DPP6: variants seen among roughly 807,000 people sequenced by gnomAD.
DPP6 encodes A-type potassium channel modulatory protein DPP6.
A neutral mutation model predicts 122.6 loss-of-function variants in DPP6; 69 were observed. That is an observed-to-expected ratio of 0.56 (90% confidence interval 0.46 to 0.69). The LOEUF (loss-of-function observed/expected upper bound fraction) is 0.69, where lower values mean the gene tolerates loss of function less well. DPP6 is among the 30% of genes least tolerant of loss of function. The pLI is 0.00. For missense variants in DPP6, 928 were observed against 1,116.9 expected (o/e 0.83, Z 2.41); for synonymous variants, 418 against 433.1 (o/e 0.97, Z 0.43).
chr7:154,394,425 A>G (rs1814899082), intron 1 of DPP6, among the ~76,000 whole-genome samples: 8 of 151,862 alleles, frequency 5.3e-5, no homozygotes. Context: ...TCTGCCCATT[A>G]TTGAATTGAG....
chr7:154,015,307 A>G lies in DPP6; in HGVS notation c.51+127573A>G, dbSNP rs376436683. Reference sequence around the variant, plus strand: ...GTTCTGTCTTCCCGCGTGACCTCTCAGCATTGAAGTCTTATCTGCCTGCCC... The same window carrying G: ...GTTCTGTCTTCCCGCGTGACCTCTCGGCATTGAAGTCTTATCTGCCTGCCC... On this transcript the variant is annotated intron_variant, in intron 1 of 25. Transcript: ENST00000404039. Among the ~76,000 whole-genome samples, 6 of 152,074 alleles carry G rather than the reference A, an allele frequency of 3.9e-5. No individual in the cohort carries two copies. The East Asian group carries it at 1.2e-3, about 30-fold the overall frequency.
chr7:154,163,187 G>C (rs568547147), intron 1 of DPP6, among the ~76,000 whole-genome samples: 2 of 152,188 alleles, frequency 1.3e-5, no homozygotes, highest in African/African-American at 4.8e-5. Flanking sequence ...TACACCTGGA[G>C]TCTGACTAGC....
At chr7:154,670,328 A>C (rs559402359) in intron 7 of DPP6, among the ~76,000 whole-genome samples, 4 of 152,254 alleles carry the variant, frequency 2.6e-5, no homozygotes, top group African/African-American at 9.6e-5. Flanking sequence ...TGTGAATGGG[A>C]AGGACAGTGC....
chr7:153,878,469 C>T, the DPP6 span, among the ~76,000 whole-genome samples: 1 of 152,028 alleles, frequency 6.6e-6, no homozygotes, highest in East Asian at 1.9e-4. Flanking sequence ...TGGAAGCTGA[C>T]TACAGCTACA....
At chr7:153,810,782 A>G in the DPP6 span, among the ~76,000 whole-genome samples, 1 of 150,524 alleles carries the variant, frequency 6.6e-6, no homozygotes, top group Non-Finnish European at 1.5e-5. Flanking sequence ...TCAAGTCTTA[A>G]GTCCTAATCA....
At chr7:154,078,010 C>T (rs191914332) in intron 1 of DPP6, among the ~76,000 whole-genome samples, 32 of 152,294 alleles carry the variant, frequency 2.1e-4, no homozygotes, top group African/African-American at 7.5e-4. Flanking sequence ...ATTTCTTTCA[C>T]AAAACCCTGG....
chr7:154,811,188 A>G (rs1799037779), intron 16 of DPP6, among the ~76,000 whole-genome samples: 1 of 152,240 alleles, frequency 6.6e-6, no homozygotes, highest in African/African-American at 2.4e-5. Context: ...GGAGGTAACC[A>G]AAATCCCACT....
chr7:154,060,285 G>C (rs866179292), intron 1 of DPP6, among the ~76,000 whole-genome samples: 1,281 of 33,580 alleles, frequency 0.038, 60 homozygotes, highest in African/African-American at 0.11. Flanking sequence ...GGACTGAGAG[G>C]CAATCCCTCT....
chr7:154,064,549 A>G (rs1409994055), intron 1 of DPP6, among the ~76,000 whole-genome samples: 2 of 152,220 alleles, frequency 1.3e-5, no homozygotes, highest in Non-Finnish European at 2.9e-5. Context: ...ATTGTTCTTT[A>G]GAACTGAAGA....
chr7:153,962,195 TGGAAG>T (rs1795388549), intron 1 of DPP6, among the ~76,000 whole-genome samples: 1 of 152,022 alleles, frequency 6.6e-6, no homozygotes, highest in Non-Finnish European at 1.5e-5. Flanking sequence ...AGTAAAGCAC[TGGAAG>T]GGAAGTGAGG....
chr7:154,126,030 A>G (rs1390238888), intron 1 of DPP6, among the ~76,000 whole-genome samples: 1 of 152,198 alleles, frequency 6.6e-6, no homozygotes, highest in African/African-American at 2.4e-5. Flanking sequence ...GATTCCATTC[A>G]TTACGTGCTC....
intron 7 of DPP6, among the ~76,000 whole-genome samples, chr7:154,727,254 G>A (rs1340670679): frequency 6.6e-6 from 1 of 152,222 alleles, no homozygotes; most frequent in Non-Finnish European, 1.5e-5. Flanking sequence ...CATGGTGGAA[G>A]GTGAAGGGAA....
At chr7:154,370,625 T>C (rs1425914682) in intron 1 of DPP6, among the ~76,000 whole-genome samples, 3 of 152,242 alleles carry the variant, frequency 2.0e-5, no homozygotes, top group African/African-American at 4.8e-5. Context: ...CTGTTTAGTT[T>C]AATTAGCTGA....
chr7:154,434,214 T>A (rs1314177522), intron 1 of DPP6, among the ~76,000 whole-genome samples: 2 of 152,252 alleles, frequency 1.3e-5, no homozygotes, highest in Non-Finnish European at 2.9e-5. Flanking sequence ...CAAGTTTCGC[T>A]ACTTAAAGTG....
At chr7:154,707,557 T>C (rs1994521) in intron 7 of DPP6, among the ~76,000 whole-genome samples, 151,269 of 152,298 alleles carry the variant, frequency 0.99, 75,129 homozygotes, top group East Asian at 1. Flanking sequence ...CCTCGCCAGG[T>C]CCATCGGACA....
intron 3 of DPP6, among the ~76,000 whole-genome samples, chr7:154,493,091 G>T (rs183807196): frequency 1.3e-5 from 2 of 152,262 alleles, no homozygotes; most frequent in African/African-American, 4.8e-5. Flanking sequence ...GGAAATGAGT[G>T]CACAGTTTGA....
intron 1 of DPP6, among the ~76,000 whole-genome samples, chr7:154,040,187 C>T (rs886995347): frequency 1.4e-5 from 2 of 140,444 alleles, no homozygotes; most frequent in African/African-American, 3.1e-5. Context: ...GAGGATCTAC[C>T]AGTTGTTTTG....
At chr7:154,438,212 A>G (rs1472272072) in intron 1 of DPP6, among the ~76,000 whole-genome samples, 1 of 152,146 alleles carries the variant, frequency 6.6e-6, no homozygotes, top group Non-Finnish European at 1.5e-5. Flanking sequence ...AAATGCCTGT[A>G]ATCCCAGAAC....
At chr7:153,795,978 T>A in the DPP6 span, among the ~76,000 whole-genome samples, 1 of 150,938 alleles carries the variant, frequency 6.6e-6, no homozygotes, top group Non-Finnish European at 1.5e-5. Context: ...TCATATCACA[T>A]ACATCCCATG....
Sources: gnomAD v4.1 joint callset for allele counts (sites outside exome capture counted in the v4.1 genomes callset) on GRCh38, gnomAD v4.1.1 for gene constraint, MANE v1.5 for transcripts, NCBI Gene and HGNC (gene_info 2026-07-23, HGNC 2026-07-21) for gene names.